CORIN: variants seen among roughly 807,000 people sequenced by gnomAD.
The protein encoded by CORIN is atrial natriuretic peptide-converting enzyme.
Under a neutral mutation model 125.3 loss-of-function variants are expected in CORIN, and 117 were observed. That is an observed-to-expected ratio of 0.93 (90% CI 0.80 to 1.09). The LOEUF is 1.09. Among genes scored for constraint, CORIN ranks in the 50% least tolerant of loss-of-function variants. CORIN has a pLI of 0.00. For missense variants in CORIN, 1,253 were observed against 1,306.7 expected, an observed-to-expected ratio of 0.96 and a Z score of 0.63; for synonymous variants, 450 against 466.4, an observed-to-expected ratio of 0.96 and a Z score of 0.45.
chr4:47,717,013 T>C (rs1034439806), intron 5 of CORIN, among the ~76,000 whole-genome samples: 7 of 152,122 alleles, frequency 4.6e-5, no homozygotes, highest in Admixed American at 2.0e-4. Flanking sequence ...AAGAATACTA[T>C]GAAAATTAGA....
At chr4:47,796,300 CT>C (rs902899243) in intron 2 of CORIN, among the ~76,000 whole-genome samples, 1 of 151,986 alleles carries the variant, frequency 6.6e-6, no homozygotes, top group Non-Finnish European at 1.5e-5. Flanking sequence ...AATCTTATCA[CT>C]TGTGGCAACA....
intron 16 of CORIN, among the ~76,000 whole-genome samples, chr4:47,628,170 CAT>C (rs1722654481): frequency 6.6e-6 from 1 of 152,124 alleles, no homozygotes; most frequent in South Asian, 2.1e-4. Context: ...CATGCACAAA[CAT>C]AAACTTTCAG....
At chr4:47,635,400 C>T (rs1433763856) in intron 16 of CORIN, among the ~76,000 whole-genome samples, 2 of 152,140 alleles carry the variant, frequency 1.3e-5, no homozygotes, top group Non-Finnish European at 2.9e-5. Context: ...TGAAAGCTGC[C>T]TCAAGTAGGA....
chr4:47,757,876 A>ATG (rs1289182548), intron 4 of CORIN, among the ~76,000 whole-genome samples: 1,349 of 113,816 alleles, frequency 0.012, 22 homozygotes, highest in African/African-American at 0.049. Flanking sequence ...ACATATATAT[A>ATG]TGTATATATA....
At chr4:47,728,873 G>C (rs963413596) in intron 5 of CORIN, among the ~76,000 whole-genome samples, 3 of 152,184 alleles carry the variant, frequency 2.0e-5, no homozygotes, top group African/African-American at 7.2e-5. Context: ...AAGCCAAGCA[G>C]CTAGCTTGGC....
At chr4:47,649,189 G>C (rs1355134273) in intron 13 of CORIN, among the ~76,000 whole-genome samples, 1 of 152,216 alleles carries the variant, frequency 6.6e-6, no homozygotes, top group Non-Finnish European at 1.5e-5. Context: ...GGGTGGCCCA[G>C]TCTCCCGTGA....
intron 14 of CORIN, 39 bp from the exon 15 acceptor site, chr4:47,643,295 A>C (rs952536566): frequency 6.5e-7 from 1 of 1,542,560 alleles, no homozygotes; most frequent in African/African-American, 1.4e-5. Flanking sequence ...AAAACATTTT[A>C]GAAATAAATG....
At chr4:47,627,231 C>T (rs1018388254) in intron 16 of CORIN, among the ~76,000 whole-genome samples, 1 of 152,128 alleles carries the variant, frequency 6.6e-6, no homozygotes, top group Non-Finnish European at 1.5e-5. Flanking sequence ...GGTCTGCCCA[C>T]CTCAGCATCC....
chr4:47,595,973 A>G, intron 21 of CORIN, 70 bp from the exon 22 acceptor site: 1 of 1,296,664 alleles, frequency 7.7e-7, no homozygotes, highest in Non-Finnish European at 1.1e-6. Context: ...TGCTATCCTG[A>G]GGATACTATA....
intron 2 of CORIN, among the ~76,000 whole-genome samples, chr4:47,791,558 G>C (rs1417599878): frequency 1.3e-5 from 2 of 152,130 alleles, no homozygotes; most frequent in Non-Finnish European, 2.9e-5. Flanking sequence ...CTATAAAACA[G>C]ATAATATAAT....
intron 21 of CORIN, among the ~76,000 whole-genome samples, chr4:47,596,943 C>G (rs957054527): frequency 2.0e-5 from 3 of 152,242 alleles, no homozygotes; most frequent in South Asian, 2.1e-4. Flanking sequence ...GGTTAAATAA[C>G]TTATTCATTG....
At chr4:47,808,167 A>G (rs1731877310) in intron 1 of CORIN, among the ~76,000 whole-genome samples, 1 of 152,136 alleles carries the variant, frequency 6.6e-6, no homozygotes, top group Admixed American at 6.5e-5. Context: ...AAATTCCTCC[A>G]TTCCAATATG....
Position 47,721,605 on chromosome 4 carries a change from T to TC in CORIN, c.799+22796dup. On this transcript the variant is annotated intron_variant, in intron 5 of 21. Transcript: ENST00000273857. ...CTAAACCTAATTATCTCCCAAAGTC[T>TC]CCACCTTCTAATACCATCCTCTTGG... 3.3e-5 allele frequency among the ~76,000 whole-genome samples: 5 copies of TC among 152,278 alleles called. No homozygotes were observed. The Middle Eastern group carries it at 0.014, about 414-fold the overall frequency.
intron 8 of CORIN, among the ~76,000 whole-genome samples, chr4:47,678,781 T>TTATG (rs1398598306): frequency 6.6e-6 from 1 of 152,118 alleles, no homozygotes; most frequent in Non-Finnish European, 1.5e-5. Flanking sequence ...ATTACTAATA[T>TTATG]TATGACCTCT....
At chr4:47,673,179 A>AAAT (rs1724845188) in intron 10 of CORIN, among the ~76,000 whole-genome samples, 13 of 142,828 alleles carry the variant, frequency 9.1e-5, no homozygotes, top group East Asian at 2.1e-4. Flanking sequence ...TCTTTACCAA[A>AAAT]AAATAAATAA....
At chr4:47,799,325 T>C (rs905353484) in intron 2 of CORIN, among the ~76,000 whole-genome samples, 1 of 152,180 alleles carries the variant, frequency 6.6e-6, no homozygotes, top group African/African-American at 2.4e-5. Flanking sequence ...CAAATGGTAG[T>C]TCCATTTGAA....
At chr4:47,649,355 T>A (rs1675357866) in intron 13 of CORIN, among the ~76,000 whole-genome samples, 1 of 152,200 alleles carries the variant, frequency 6.6e-6, no homozygotes, top group African/African-American at 2.4e-5. Context: ...CCCCAGCCCA[T>A]GCTTTAGCCT....
At chr4:47,765,656 T>C (rs1158579665) in intron 3 of CORIN, among the ~76,000 whole-genome samples, 1 of 152,244 alleles carries the variant, frequency 6.6e-6, no homozygotes, top group Non-Finnish European at 1.5e-5. Context: ...GTCTGCTTTC[T>C]CAGTCTCACC....
intron 5 of CORIN, among the ~76,000 whole-genome samples, chr4:47,707,936 A>G (rs1560514327): frequency 6.6e-6 from 1 of 152,184 alleles, no homozygotes; most frequent in East Asian, 1.9e-4. Flanking sequence ...TCTTCACAGT[A>G]TATGTCTTAA....
Sources: allele counts gnomAD v4.1 joint callset (sites outside exome capture counted in the v4.1 genomes callset), GRCh38; gene constraint gnomAD v4.1.1; transcripts MANE v1.5; gene names NCBI Gene and HGNC (gene_info 2026-07-23, HGNC 2026-07-21).